C16orf92: variants seen among roughly 807,000 people sequenced by gnomAD.
C16orf92 encodes fertilization-influencing membrane protein.
A neutral mutation model predicts 13.7 loss-of-function variants in C16orf92; 14 were observed. The ratio of observed to expected loss-of-function variants is 1.02; its 90% CI spans 0.67 to 1.60. The LOEUF is 1.60. Among genes scored for constraint, C16orf92 ranks in the 40% most tolerant of loss-of-function variants. The pLI, the probability that C16orf92 is intolerant of heterozygous loss-of-function variation, is 0.00. For synonymous variants in C16orf92, 50 were observed against 57.4 expected (o/e 0.87, Z 0.58); for missense variants, 116 against 139.0 (o/e 0.83, Z 0.83).
Position 30,024,533 on chromosome 16 carries a change from T to C in C16orf92, c.*306T>C, listed in dbSNP as rs2071004367. On this transcript the variant is annotated 3_prime_UTR_variant, in exon 4 of 4. Transcript: ENST00000681219. Reference sequence around the variant, plus strand: ...TGAGAGGTCAGTAGCACCAGGGACATGGCAGGGCCCGAGGGCGCGATGTGC... The same window carrying C: ...TGAGAGGTCAGTAGCACCAGGGACACGGCAGGGCCCGAGGGCGCGATGTGC... The C allele has an allele frequency of 2.2e-6, 1 of 458,084 alleles. No individual in the cohort carries two copies. The highest frequency in any genetic ancestry group is 3.6e-5 in the East Asian group (1 of 27,954). The allele number at this position is 458,084 out of a possible 1,614,324, so 28.4% of individuals were successfully genotyped here. A position where few individuals can be genotyped will look rare whatever the true frequency, so the allele number is the denominator to read the frequency against.
Position 30,024,190 on chromosome 16 carries a change from T to C in C16orf92, c.312-16T>C. The C allele has an allele frequency of 6.2e-7, 1 of 1,613,838 alleles. No individual in the cohort carries two copies. The highest frequency in any genetic ancestry group is 2.2e-5 in the East Asian group (1 of 44,860). ...GCAGGCTGTGACCTCTCCCCTCTGA[T>C]CTCCATGCCCCACAGAAACTTCCAG... On this transcript the variant is annotated splice_polypyrimidine_tract_variant and intron_variant, in intron 3 of 3. Transcript: ENST00000681219.
At chr16:30,023,451 G>C in intron 1 of C16orf92, 47 bp downstream of exon 1, 1 of 1,580,666 alleles carries the variant, frequency 6.3e-7, no homozygotes, top group Non-Finnish European at 8.7e-7. Context: ...AGCTCTGGGA[G>C]CATAAAGTGT....
downstream of C16orf92, chr16:30,025,927 T>C: frequency 3.5e-6 from 3 of 855,336 alleles, no homozygotes; most frequent in Non-Finnish European, 1.9e-6. The surrounding 1 kb of genome is among the most constrained non-coding windows in gnomAD (Gnocchi z 4.1). Context: ...TGCTTGACTC[T>C]GAACATCAGA....
At chr16:30,026,590 C>A, downstream of C16orf92, 2 of 1,606,812 alleles carry the variant, frequency 1.2e-6, no homozygotes, top group Non-Finnish European at 1.7e-6. Context: ...CCCCGCCCGC[C>A]CAGCTCCCCG....
downstream of C16orf92, chr16:30,024,812 C>A: frequency 4.3e-6 from 1 of 231,260 alleles, no homozygotes; most frequent in Non-Finnish European, 8.3e-6. Context: ...ATGGGGAGCC[C>A]TGGGGGATGG....
At chr16:30,025,510 C>A (rs200499500), downstream of C16orf92, 7 of 1,604,828 alleles carry the variant, frequency 4.4e-6, no homozygotes, top group South Asian at 7.8e-5. This position sits in a 1 kb window ranked among gnomAD's most constrained non-coding sequence, Gnocchi z 4.1. Flanking sequence ...CAGAAGGGCT[C>A]GGCCCCCCTT....
downstream of C16orf92, chr16:30,027,520 T>C: frequency 2.2e-6 from 1 of 452,444 alleles, no homozygotes; most frequent in Non-Finnish European, 4.5e-6. Context: ...ACAGACCCTG[T>C]TGGCAAGTGA....
chr16:30,025,206 G>C (rs1567294450), downstream of C16orf92: 2 of 1,490,732 alleles, frequency 1.3e-6, no homozygotes. This position sits in a 1 kb window ranked among gnomAD's most constrained non-coding sequence, Gnocchi z 4.1. Context: ...TGGCAGGCCG[G>C]GGGCGGCCGG....
At chr16:30,026,470 C>A, downstream of C16orf92, 1 of 764,134 alleles carries the variant, frequency 1.3e-6, no homozygotes, top group Non-Finnish European at 2.1e-6. Flanking sequence ...CCCTGCCTGT[C>A]CACAGCTTTC....
chr16:30,025,621 G>A (rs140294527), downstream of C16orf92: 11 of 1,427,844 alleles, frequency 7.7e-6, no homozygotes, highest in South Asian at 4.6e-5. This position sits in a 1 kb window ranked among gnomAD's most constrained non-coding sequence, Gnocchi z 4.1. Context: ...CACGGGGTGA[G>A]GGGGGGATGA....
chr16:30,024,818 G>A, downstream of C16orf92: 1 of 235,856 alleles, frequency 4.2e-6, no homozygotes, highest in Non-Finnish European at 8.1e-6. Flanking sequence ...AGCCCTGGGG[G>A]ATGGCAGCAT....
chr16:30,026,921 G>T, downstream of C16orf92: 1 of 1,235,298 alleles, frequency 8.1e-7, no homozygotes, highest in South Asian at 1.3e-5. Flanking sequence ...TCAGGGGTCA[G>T]CACAGCAGCC....
At chr16:30,024,987 G>A (rs1206910587), downstream of C16orf92, 8 of 518,402 alleles carry the variant, frequency 1.5e-5, no homozygotes, top group East Asian at 6.5e-5. Context: ...CAGGAAGGGG[G>A]CAGAGTAGGG....
At chr16:30,026,096 G>A (rs137949194), downstream of C16orf92, among the ~76,000 whole-genome samples, 1,379 of 152,278 alleles carry the variant, frequency 9.1e-3, 12 homozygotes, top group Non-Finnish European at 0.014. Context: ...TTAGCCAGGC[G>A]TGTTGGTGGG....
At chr16:30,025,735 G>A, downstream of C16orf92, 1 of 1,614,134 alleles carries the variant, frequency 6.2e-7, no homozygotes, top group Non-Finnish European at 8.5e-7. This position sits in a 1 kb window ranked among gnomAD's most constrained non-coding sequence, Gnocchi z 4.1. Context: ...CCTGGATGAG[G>A]ATCTTGCCAA....
intron 1 of C16orf92, 126 bp from the exon 2 acceptor site, chr16:30,023,601 T>C: frequency 6.4e-7 from 1 of 1,556,906 alleles, no homozygotes; most frequent in Non-Finnish European, 8.8e-7. Flanking sequence ...CTGAGGGAAA[T>C]CAAGACCCTC....
chr16:30,025,231 G>C, downstream of C16orf92: 1 of 1,521,204 alleles, frequency 6.6e-7, no homozygotes, highest in Non-Finnish European at 8.8e-7. This position sits in a 1 kb window ranked among gnomAD's most constrained non-coding sequence, Gnocchi z 4.1. Context: ...GGGGCCAGAA[G>C]AGGCGGCAGG....
At position 30,024,236 on chromosome 16, in the gene C16orf92, A is replaced by G. The variant is rs767444165; in HGVS notation, c.*9A>G. 1.9e-6 allele frequency: 3 copies of G among 1,613,782 alleles called. No individual in the cohort carries two copies. Among genetic ancestry groups the G allele is most frequent in the South Asian group, 1.1e-5 (1 of 91,078 alleles). Reference sequence around the variant, plus strand: ...TCCAGAAAGGGGCCTAAAGAGCCGGACAAGGGCTCTGGACTCAACCTGAGC... The same window carrying G: ...TCCAGAAAGGGGCCTAAAGAGCCGGGCAAGGGCTCTGGACTCAACCTGAGC... On this transcript the variant is annotated 3_prime_UTR_variant, in exon 4 of 4. Coordinates refer to ENST00000681219, the MANE Select transcript of C16orf92 (RefSeq NM_001109659.2).
chr16:30,027,566 T>G (rs1243792273), downstream of C16orf92: 2 of 456,042 alleles, frequency 4.4e-6, no homozygotes, highest in Non-Finnish European at 8.8e-6. Flanking sequence ...TGCCCCAAAG[T>G]CACCCAATCT....
Sources: allele counts gnomAD v4.1 joint callset (sites outside exome capture counted in the v4.1 genomes callset), GRCh38; gene constraint gnomAD v4.1.1; non-coding constraint Gnocchi (gnomAD v3.1); transcripts MANE v1.5; gene names NCBI Gene and HGNC (gene_info 2026-07-23, HGNC 2026-07-21).